The following KCNT2 variants were observed in gnomAD, a reference collection of about 807,000 sequenced individuals.
KCNT2 encodes the protein potassium sodium-activated channel subfamily T member 2, also known as potassium channel subfamily T member 2.
In KCNT2, 67 loss-of-function variants were observed where a neutral mutation model predicts 153.8. The ratio of observed to expected loss-of-function variants is 0.44; its 90% CI spans 0.36 to 0.53. KCNT2 has a LOEUF of 0.53. Among genes scored for constraint, KCNT2 ranks in the 20% least tolerant of loss-of-function variants. KCNT2 has a pLI of 0.00. For missense variants in KCNT2, 975 were observed against 1,354.8 expected, an observed-to-expected ratio of 0.72 and a Z score of 4.40; for synonymous variants, 500 against 458.8, an observed-to-expected ratio of 1.09 and a Z score of -1.15.
intron 13 of KCNT2, among the ~76,000 whole-genome samples, chr1:196,387,232 C>T (rs1157952591): frequency 6.6e-6 from 1 of 151,774 alleles, no homozygotes; most frequent in Non-Finnish European, 1.5e-5. Flanking sequence ...TTATTTTTGC[C>T]TTGCCCCCAT....
chr1:196,401,624 T>C lies in KCNT2; in HGVS notation c.1186-2953A>G, dbSNP rs545682743. On this transcript the variant is annotated intron_variant, in intron 12 of 27. Coordinates refer to ENST00000294725, the MANE Select transcript of KCNT2 (RefSeq NM_198503.5). Reference sequence around the variant, plus strand: ...GTCAGTGAACTTGAACATAGATCAATAGAATTTACCCAATTTGAAAAACAA... The same window carrying C: ...GTCAGTGAACTTGAACATAGATCAACAGAATTTACCCAATTTGAAAAACAA... 1.2e-4 allele frequency among the ~76,000 whole-genome samples: 18 copies of C among 151,642 alleles called. No homozygotes were observed. In the South Asian group the frequency reaches 3.5e-3, roughly 30 times the overall value.
rs116367320 is a variant in KCNT2, at chr1:196,303,333, C to T, written c.2595+1901G>A. ...TTAAATTGTGCCTTCTTGCCTGCTGCAAAAATATTAAGTTTTATTTTTCCT... is the reference window on the plus strand; with the variant it reads ...TTAAATTGTGCCTTCTTGCCTGCTGTAAAAATATTAAGTTTTATTTTTCCT... On this transcript the variant is annotated intron_variant, in intron 22 of 27. Coordinates refer to ENST00000294725, the MANE Select transcript of KCNT2 (RefSeq NM_198503.5). Among the ~76,000 whole-genome samples the T allele has an allele frequency of 1.2e-3, 181 of 152,186 alleles. 1 individual carries two copies. Among genetic ancestry groups the T allele is most frequent in the African/African-American group, 4.2e-3 (175 of 41,550 alleles).
intron 22 of KCNT2, among the ~76,000 whole-genome samples, chr1:196,299,169 T>G (rs1400255622): frequency 6.6e-6 from 1 of 152,090 alleles, no homozygotes; most frequent in African/African-American, 2.4e-5. Flanking sequence ...CCCTTTTTTT[T>G]CTATTGTTGT....
intron 17 of KCNT2, among the ~76,000 whole-genome samples, chr1:196,332,536 GTTC>G (rs1225519263): frequency 6.6e-6 from 1 of 152,052 alleles, no homozygotes; most frequent in African/African-American, 2.4e-5. Context: ...TGACACTGAA[GTTC>G]TTCTTAGTTC....
At chr1:196,570,766 T>C (rs1370041680) in intron 1 of KCNT2, among the ~76,000 whole-genome samples, 1 of 152,134 alleles carries the variant, frequency 6.6e-6, no homozygotes, top group Non-Finnish European at 1.5e-5. Flanking sequence ...GATAGATTCT[T>C]ACTTGCTACT....
intron 27 of KCNT2, among the ~76,000 whole-genome samples, chr1:196,230,729 C>G (rs903485072): frequency 1.3e-5 from 2 of 151,952 alleles, no homozygotes; most frequent in African/African-American, 4.8e-5. Flanking sequence ...GCTGCAATCT[C>G]TGACCAAAAT....
rs1675745978 is a variant in KCNT2 at position 196,447,035 on chromosome 1, T to C, written c.639-17278A>G. Among the ~76,000 whole-genome samples, 2 of 151,596 alleles carry C rather than the reference T, an allele frequency of 1.3e-5. 1 individual carries two copies. Among genetic ancestry groups the C allele is most frequent in the African/African-American group, 4.8e-5 (2 of 41,380 alleles). ...AATATAGTTCATTAATTGGCCTTCATTGTTAATCGCTTTGGATGAAATTGA... is the reference window on the plus strand; with the variant it reads ...AATATAGTTCATTAATTGGCCTTCACTGTTAATCGCTTTGGATGAAATTGA... On this transcript the variant is annotated intron_variant, in intron 8 of 27. Coordinates refer to ENST00000294725, the MANE Select transcript of KCNT2 (RefSeq NM_198503.5).
chr1:196,378,813 T>TTATATATATA (rs563888936), intron 13 of KCNT2, among the ~76,000 whole-genome samples: 14 of 147,278 alleles, frequency 9.5e-5, no homozygotes, highest in African/African-American at 3.2e-4. Context: ...GTATATATAA[T>TTATATATATA]TATATATATA....
chr1:196,377,493 C>T (rs985678328), intron 13 of KCNT2, among the ~76,000 whole-genome samples: 4 of 151,800 alleles, frequency 2.6e-5, no homozygotes, highest in Non-Finnish European at 5.9e-5. Context: ...TCCCTACTAC[C>T]CATTTTCCTC....
chr1:196,418,844 CA>C (rs1412107013), intron 12 of KCNT2, among the ~76,000 whole-genome samples: 1 of 152,054 alleles, frequency 6.6e-6, no homozygotes, highest in Non-Finnish European at 1.5e-5. Context: ...AAATGCAATC[CA>C]AAACCCCTGC....
At chr1:196,431,960 C>G (rs1484573110) in intron 8 of KCNT2, among the ~76,000 whole-genome samples, 1 of 152,070 alleles carries the variant, frequency 6.6e-6, no homozygotes, top group Non-Finnish European at 1.5e-5. Flanking sequence ...CATTTTGGAG[C>G]TCTTCCAGAC....
intron 22 of KCNT2, among the ~76,000 whole-genome samples, chr1:196,286,116 A>G (rs887190633): frequency 6.6e-6 from 1 of 152,168 alleles, no homozygotes; most frequent in Non-Finnish European, 1.5e-5. Flanking sequence ...ACTGTAAAGA[A>G]GACCTGCTTT....
intron 1 of KCNT2, among the ~76,000 whole-genome samples, chr1:196,607,074 T>C (rs1018189561): frequency 6.6e-6 from 1 of 152,156 alleles, no homozygotes; most frequent in East Asian, 1.9e-4. Context: ...ATGCCCATAA[T>C]TGATGCTCAA....
At chr1:196,242,748 C>T (rs994801576) in intron 26 of KCNT2, among the ~76,000 whole-genome samples, 4 of 152,112 alleles carry the variant, frequency 2.6e-5, no homozygotes, top group Middle Eastern at 3.2e-3. Flanking sequence ...ACCCTTTTAG[C>T]AATTTTCTTA....
intron 14 of KCNT2, among the ~76,000 whole-genome samples, chr1:196,362,142 C>A (rs1253530150): frequency 6.6e-6 from 1 of 152,052 alleles, no homozygotes; most frequent in East Asian, 1.9e-4. Flanking sequence ...TGCTTTCTTG[C>A]AGTCAGTGTG....
chr1:196,336,106 T>C (rs1400615306), intron 16 of KCNT2, among the ~76,000 whole-genome samples: 1 of 152,086 alleles, frequency 6.6e-6, no homozygotes, highest in Non-Finnish European at 1.5e-5. Flanking sequence ...ACAGTTTAGC[T>C]CTTGCATCAT....
chr1:196,341,969 C>T (rs7537176), intron 15 of KCNT2, 110 bp downstream of exon 15: 93,774 of 1,093,610 alleles, frequency 0.086, 6,321 homozygotes, highest in African/African-American at 0.32. Context: ...ACAAAAATTC[C>T]GGAATGCCTA....
intron 25 of KCNT2, among the ~76,000 whole-genome samples, chr1:196,271,538 G>A (rs1658065515): frequency 1.3e-5 from 2 of 152,112 alleles, no homozygotes; most frequent in East Asian, 3.9e-4. Context: ...CTCTTATTAA[G>A]TTAAAGTAGG....
chr1:196,232,856 TTGTATTAAGC>T (rs1654072961), intron 27 of KCNT2, among the ~76,000 whole-genome samples: 2 of 151,358 alleles, frequency 1.3e-5, no homozygotes, highest in South Asian at 4.1e-4. Flanking sequence ...TGGGAAATGA[TTGTATTAAGC>T]TTAAGAAACA....
Sources: allele counts gnomAD v4.1 joint callset (sites outside exome capture counted in the v4.1 genomes callset), GRCh38; gene constraint gnomAD v4.1.1; transcripts MANE v1.5; gene names NCBI Gene and HGNC (gene_info 2026-07-23, HGNC 2026-07-21).